Variants in GSE1 observed in about 807,000 individuals in gnomAD.
GSE1 encodes the protein genetic suppressor element 1.
In GSE1, 32 loss-of-function variants were observed where a neutral mutation model predicts 112.6. That is an observed-to-expected ratio of 0.28 (90% confidence interval 0.21 to 0.38). GSE1 has a LOEUF of 0.38. Ranked by LOEUF, GSE1 falls within the 10% of genes least tolerant of loss-of-function variation. The pLI, the probability that GSE1 is intolerant of heterozygous loss-of-function variation, is 1.00. For synonymous variants in GSE1, 1,115 were observed against 735.6 expected, an observed-to-expected ratio of 1.52 and a Z score of -8.35; for missense variants, 2,348 against 1,699.2, an observed-to-expected ratio of 1.38 and a Z score of -6.71.
At chr16:85,618,523 C>T (rs1372745606) in intron 1 of GSE1, among the ~76,000 whole-genome samples, 2 of 152,212 alleles carry the variant, frequency 1.3e-5, no homozygotes, top group African/African-American at 2.4e-5. Flanking sequence ...TGTTCTGGGC[C>T]TCAGTCTTCT....
At position 85,634,101 on chromosome 16, in the gene GSE1, C is replaced by G; in HGVS notation, c.195C>G (p.Arg65=). 6.4e-7 allele frequency: 1 copy of G among 1,573,606 alleles called. No homozygotes were observed. The highest frequency in any genetic ancestry group is 8.6e-7 in the Non-Finnish European group (1 of 1,163,820). ...CCTCCAGCTTTGCCGCCGCGCTGCG[C>G]AAGCTCGCCAAACAGGCGGAGGAGC... ...APSSSFAAAL[R]KLAKQAEEPR... is the part of the protein sequence containing the mutation. Residue 65 remains arginine, a synonymous_variant, in exon 2 of 16, where the codon CGC becomes CGG. Coordinates refer to ENST00000253458, the MANE Select transcript of GSE1 (RefSeq NM_014615.5).
chr16:85,245,734 T>G (rs1031886017), intron 1 of GSE1, among the ~76,000 whole-genome samples: 4 of 152,088 alleles, frequency 2.6e-5, no homozygotes, highest in Admixed American at 6.6e-5. Flanking sequence ...GTCCTCTGAT[T>G]AGAGGGGGAC....
chr16:85,646,285 G>C (rs1296411429), intron 2 of GSE1, among the ~76,000 whole-genome samples: 2 of 152,262 alleles, frequency 1.3e-5, no homozygotes, highest in Non-Finnish European at 2.9e-5. Context: ...GCCCCGGGCT[G>C]TAGGTGCCTC....
At chr16:85,655,951 C>T (rs755601606) in intron 6 of GSE1, 34 bp downstream of exon 6, 41 of 1,529,446 alleles carry the variant, frequency 2.7e-5, no homozygotes, top group South Asian at 5.8e-5. Context: ...GCCCCTCTGC[C>T]CTCCCTGTCC....
chr16:85,462,105 G>A (rs1411118671), intron 2 of GSE1, among the ~76,000 whole-genome samples: 1 of 151,960 alleles, frequency 6.6e-6, no homozygotes, highest in East Asian at 1.9e-4. Context: ...GTGCTCTGCA[G>A]GGCTGTGGGC....
At chr16:85,255,412 C>CTT (rs869059709) in intron 1 of GSE1, among the ~76,000 whole-genome samples, 1,827 of 141,094 alleles carry the variant, frequency 0.013, 23 homozygotes, top group Non-Finnish European at 0.022. Context: ...TCAGTGCCTA[C>CTT]TTTTTTTTTT....
At chr16:85,260,449 A>G (rs1907572398) in intron 1 of GSE1, among the ~76,000 whole-genome samples, 1 of 149,656 alleles carries the variant, frequency 6.7e-6, no homozygotes, top group East Asian at 2.0e-4. Flanking sequence ...CAGCGTCCCA[A>G]GTCGCTGGGA....
chr16:85,609,303 A>G (rs1323245027), upstream of GSE1, among the ~76,000 whole-genome samples: 2 of 152,238 alleles, frequency 1.3e-5, no homozygotes, highest in Admixed American at 1.3e-4. Context: ...CAGTGGCACA[A>G]TCATACCTCA....
Position 85,675,539 on chromosome 16 carries a change from G to A in GSE1, c.*3000G>A, listed in dbSNP as rs746552876. 6.6e-6 allele frequency: 1 copy of A among 152,198 alleles called. No individual in the cohort carries two copies. The highest frequency in any genetic ancestry group is 1.5e-5 in the Non-Finnish European group (1 of 68,034). 9.4% of individuals were successfully genotyped at this position (152,198 alleles called of 1,614,324 possible). On this transcript the variant is annotated 3_prime_UTR_variant, in exon 16 of 16. Transcript: ENST00000253458. ...ATTCTGATAGGTTGCACCCTTAAGA[G>A]TATTCAGAGAGCATCAAAAGGAGCC... is the stretch of plus-strand genomic sequence containing the variant.
intron 2 of GSE1, among the ~76,000 whole-genome samples, chr16:85,365,704 AAGGTGAAGGTTTATAGT>A (rs1413057009): frequency 1.5e-4 from 23 of 152,342 alleles, no homozygotes; most frequent in Non-Finnish European, 2.8e-4. Flanking sequence ...AGGTTTATAG[AAGGTGAAGGTTTATAGT>A]AGCCTACAGC....
At chr16:85,197,339 C>G (rs902606915) in intron 1 of GSE1, among the ~76,000 whole-genome samples, 1 of 152,196 alleles carries the variant, frequency 6.6e-6, no homozygotes, top group African/African-American at 2.4e-5. Context: ...TCACTAGCCA[C>G]AGAGAGAAGA....
chr16:85,504,429 G>T (rs921511337), intron 2 of GSE1, among the ~76,000 whole-genome samples: 1 of 152,200 alleles, frequency 6.6e-6, no homozygotes, highest in Non-Finnish European at 1.5e-5. Flanking sequence ...GCTGCAGCCC[G>T]CAGAGCGGTG....
At chr16:85,526,768 G>A (rs1312711134) in intron 2 of GSE1, among the ~76,000 whole-genome samples, 1 of 152,162 alleles carries the variant, frequency 6.6e-6, no homozygotes, top group African/African-American at 2.4e-5. Context: ...AAAGACGTCC[G>A]CTCGCTCTCT....
At chr16:85,227,339 C>T (rs1216381121) in intron 1 of GSE1, among the ~76,000 whole-genome samples, 3 of 152,194 alleles carry the variant, frequency 2.0e-5, no homozygotes, top group Admixed American at 6.5e-5. Context: ...GGCTACTGCA[C>T]GCAGGCCTCT....
intron 2 of GSE1, among the ~76,000 whole-genome samples, chr16:85,504,581 T>G (rs2051475729): frequency 6.6e-6 from 1 of 152,012 alleles, no homozygotes; most frequent in African/African-American, 2.4e-5. Flanking sequence ...AAATAGTGAG[T>G]GATTGCCACA....
intron 1 of GSE1, among the ~76,000 whole-genome samples, chr16:85,322,060 G>A (rs547523542): frequency 2.0e-5 from 3 of 152,356 alleles, no homozygotes; most frequent in South Asian, 4.1e-4. Flanking sequence ...TGGAGCCTGC[G>A]TGGGAAGGTG....
chr16:85,249,767 C>G (rs1179405727), intron 1 of GSE1, among the ~76,000 whole-genome samples: 1 of 152,184 alleles, frequency 6.6e-6, no homozygotes, highest in Admixed American at 6.5e-5. Flanking sequence ...TCGGGGCTGC[C>G]CCTCACAGCT....
chr16:85,619,303 A>G (rs543383606), intron 1 of GSE1, among the ~76,000 whole-genome samples: 14 of 152,178 alleles, frequency 9.2e-5, no homozygotes, highest in African/African-American at 2.9e-4. Flanking sequence ...ACAGGCAGCA[A>G]TGAAGGGTAT....
chr16:85,229,315 G>T (rs1416182038), intron 1 of GSE1, among the ~76,000 whole-genome samples: 1 of 152,202 alleles, frequency 6.6e-6, no homozygotes, highest in South Asian at 2.1e-4. Flanking sequence ...GGGCGGACAC[G>T]GTGAGAGTCA....
Sources: gnomAD v4.1 joint callset for allele counts (sites outside exome capture counted in the v4.1 genomes callset) on GRCh38, gnomAD v4.1.1 for gene constraint, MANE v1.5 for transcripts, NCBI Gene and HGNC (gene_info 2026-07-23, HGNC 2026-07-21) for gene names.